The following WDR48 variants were observed in gnomAD, a reference collection of about 807,000 sequenced individuals.
The protein encoded by WDR48 is WD repeat-containing protein 48.
In WDR48, 22 loss-of-function variants were observed where a neutral mutation model predicts 94.0. The ratio of observed to expected loss-of-function variants is 0.23; its 90% CI spans 0.17 to 0.33. The LOEUF is 0.33. WDR48 is among the 10% of genes least tolerant of loss of function. WDR48 has a pLI of 1.00. For missense variants in WDR48, 541 were observed against 813.8 expected (o/e 0.66, Z 4.08); for synonymous variants, 278 against 280.5 (o/e 0.99, Z 0.09).
intron 18 of WDR48, chr3:39,094,408 G>GT: frequency 6.6e-7 from 1 of 1,509,596 alleles, no homozygotes; most frequent in Non-Finnish European, 8.8e-7. Flanking sequence ...CACTCAAAAC[G>GT]TATCCTCAGA....
At chr3:39,059,037 T>C (rs2033086996) in intron 1 of WDR48, among the ~76,000 whole-genome samples, 1 of 137,228 alleles carries the variant, frequency 7.3e-6, no homozygotes, top group Non-Finnish European at 1.5e-5. Context: ...ATCGCACCAC[T>C]GCACTCCAGC....
At chr3:39,094,623 T>C (rs1349851060) in intron 18 of WDR48, 25 bp from the exon 19 acceptor site, 1 of 1,613,804 alleles carries the variant, frequency 6.2e-7, no homozygotes, top group South Asian at 1.1e-5. Flanking sequence ...CTTTGAAATT[T>C]TTAAATTTAA....
intron 17 of WDR48, among the ~76,000 whole-genome samples, chr3:39,092,326 G>C (rs1450249253): frequency 1.3e-5 from 2 of 152,220 alleles, no homozygotes; most frequent in Non-Finnish European, 2.9e-5. Flanking sequence ...TTCCCAGTAA[G>C]GCTTCTTGAA....
chr3:39,087,428 G>A (rs1246042561), intron 14 of WDR48, among the ~76,000 whole-genome samples: 1 of 152,180 alleles, frequency 6.6e-6, no homozygotes, highest in African/African-American at 2.4e-5. Context: ...ACCATGCTGG[G>A]CGATATAGCA....
chr3:39,091,230 G>A (rs893563395), intron 16 of WDR48: 5 of 158,364 alleles, frequency 3.2e-5, no homozygotes, highest in Non-Finnish European at 6.9e-5. Context: ...CACAGAATGT[G>A]TGGCTTTGCT....
chr3:39,085,971 A>G (rs2034788673), intron 14 of WDR48, among the ~76,000 whole-genome samples: 1 of 152,232 alleles, frequency 6.6e-6, no homozygotes, highest in Non-Finnish European at 1.5e-5. Context: ...AGTTAGCTGC[A>G]TCAGAAAGCC....
At chr3:39,074,202 G>T (rs1446874345) in intron 7 of WDR48, among the ~76,000 whole-genome samples, 1 of 152,236 alleles carries the variant, frequency 6.6e-6, no homozygotes, top group Non-Finnish European at 1.5e-5. Flanking sequence ...AGTAGGGCTT[G>T]TCTACAGGAT....
intron 11 of WDR48, among the ~76,000 whole-genome samples, chr3:39,081,468 A>C (rs944354527): frequency 6.6e-6 from 1 of 152,140 alleles, no homozygotes; most frequent in Non-Finnish European, 1.5e-5. Flanking sequence ...AGCTTCAAAA[A>C]TCTGATTAGT....
rs771625308 is a variant in WDR48, at chr3:39,063,057, A to T, written c.56A>T (p.Tyr19Phe). The change falls in exon 2 of 19, where the codon TAT becomes TTT. Residue 19 changes from tyrosine (Y) to phenylalanine (F), a missense_variant. Physicochemically the swap from Tyr to Phe is conservative, Grantham distance 22. Transcript: ENST00000302313. ...TGTTGACACATTTGTCAGGTTTCCT[A>T]TGTTATTCGAGATGAAGTGGAGAAG... The part of the protein sequence containing the change: ...TAGRRKVQVS[Y>F]VIRDEVEKYN... 1 of 1,613,950 alleles carries T rather than the reference A, an allele frequency of 6.2e-7. No homozygotes were observed. The highest frequency in any genetic ancestry group is 1.3e-5 in the African/African-American group (1 of 74,920).
chr3:39,091,523 T>C, intron 16 of WDR48, 102 bp from the exon 17 acceptor site: 4 of 885,836 alleles, frequency 4.5e-6, no homozygotes, highest in Non-Finnish European at 6.6e-6. Context: ...CACTTTTAAT[T>C]GTAAGATAAT....
chr3:39,087,281 C>A (rs572944419), intron 14 of WDR48, among the ~76,000 whole-genome samples: 5 of 152,304 alleles, frequency 3.3e-5, no homozygotes, highest in Admixed American at 3.3e-4. Context: ...TGGCTCACAC[C>A]TGTAATCCCA....
intron 1 of WDR48, chr3:39,052,569 C>G (rs534530616): frequency 1.1e-4 from 18 of 159,414 alleles, no homozygotes; most frequent in Non-Finnish European, 1.9e-4. Flanking sequence ...TTGGGAGCCC[C>G]CAGCCCTCTC....
chr3:39,067,076 T>C (rs1234347498), intron 5 of WDR48, among the ~76,000 whole-genome samples: 1 of 152,212 alleles, frequency 6.6e-6, no homozygotes, highest in Non-Finnish European at 1.5e-5. Flanking sequence ...AAATGGTAAC[T>C]TCTCCAGGTA....
chr3:39,087,308 C>T (rs1359557749), intron 14 of WDR48, among the ~76,000 whole-genome samples: 1 of 152,178 alleles, frequency 6.6e-6, no homozygotes, highest in Non-Finnish European at 1.5e-5. Flanking sequence ...TGGGAGGCCT[C>T]TAATATTTGT....
chr3:39,082,066 A>G (rs1188714568), intron 11 of WDR48, among the ~76,000 whole-genome samples: 1 of 152,204 alleles, frequency 6.6e-6, no homozygotes, highest in Non-Finnish European at 1.5e-5. Flanking sequence ...GGAATATGCT[A>G]GGGAACATCT....
rs980070785 is a variant in WDR48, at chr3:39,088,047, G to A, written c.1475-81G>A. 87 of 1,310,754 alleles carry A rather than the reference G, an allele frequency of 6.6e-5. No homozygotes were observed. In the African/African-American group the frequency reaches 1.1e-3, roughly 17 times the overall value. 81.2% of individuals were successfully genotyped at this position (1,310,754 alleles called of 1,614,324 possible). Reference sequence around the variant, plus strand: ...ATTTGAATTTAATCTTGCAATGTTTGAAGCTTGTGGGAGTAAAATGTTTAG... The same window carrying A: ...ATTTGAATTTAATCTTGCAATGTTTAAAGCTTGTGGGAGTAAAATGTTTAG... On this transcript the variant is annotated intron_variant, in intron 14 of 18. Coordinates refer to ENST00000302313, the MANE Select transcript of WDR48 (RefSeq NM_020839.4).
At chr3:39,059,476 A>G (rs1341710994) in intron 1 of WDR48, among the ~76,000 whole-genome samples, 1 of 152,266 alleles carries the variant, frequency 6.6e-6, no homozygotes, top group African/African-American at 2.4e-5. Context: ...GTGAAAAGCC[A>G]TTGGAAAGTT....
At chr3:39,057,931 T>C (rs1214462497) in intron 1 of WDR48, among the ~76,000 whole-genome samples, 3 of 152,244 alleles carry the variant, frequency 2.0e-5, no homozygotes, top group African/African-American at 7.2e-5. Flanking sequence ...TGGTTATTTT[T>C]ATATATGTAT....
intron 18 of WDR48, chr3:39,094,394 G>A (rs1359684134): frequency 8.8e-6 from 13 of 1,485,698 alleles, no homozygotes; most frequent in Non-Finnish European, 1.1e-5. Context: ...TTTAAATCAA[G>A]ATGCACTCAA....
Sources: allele counts gnomAD v4.1 joint callset (sites outside exome capture counted in the v4.1 genomes callset), GRCh38; gene constraint gnomAD v4.1.1; transcripts MANE v1.5; gene names NCBI Gene and HGNC (gene_info 2026-07-23, HGNC 2026-07-21).